The following DNAH14 variants were observed in gnomAD, a reference collection of about 807,000 sequenced individuals.
The protein encoded by DNAH14 is dynein axonemal heavy chain 14, also known as axonemal beta dynein heavy chain 14.
A neutral mutation model predicts 520.9 loss-of-function variants in DNAH14; 478 were observed. That is an observed-to-expected ratio of 0.92 (90% CI 0.85 to 0.99). DNAH14 has a LOEUF of 0.99. DNAH14 is among the 50% of genes least tolerant of loss of function. The probability of loss-of-function intolerance (pLI) is 0.00; values close to 1 mark genes in which losing one functional copy is unlikely to be tolerated. For missense variants in DNAH14, 4,831 were observed against 5,234.5 expected (o/e 0.92, Z 2.38); for synonymous variants, 1,581 against 1,757.2 (o/e 0.90, Z 2.51).
intron 64 of DNAH14, among the ~76,000 whole-genome samples, chr1:225,330,458 G>T (rs1255459592): frequency 2.6e-5 from 4 of 152,186 alleles, no homozygotes; most frequent in Admixed American, 2.0e-4. Context: ...ATACACAGTG[G>T]AGTATTATTC....
intron 42 of DNAH14, 126 bp from the exon 43 acceptor site, chr1:225,240,467 T>C: frequency 1.8e-6 from 1 of 562,716 alleles, no homozygotes; most frequent in Non-Finnish European, 3.0e-6. Flanking sequence ...GAAACTTTTA[T>C]GTTAGTACCT....
rs1558128726 is a variant in DNAH14, at chr1:225,240,702, GA to G, written c.6630del (p.Asp2211MetfsTer21). On this transcript the variant is annotated frameshift_variant, in exon 43 of 86. Coordinates refer to ENST00000682510, the MANE Select transcript of DNAH14 (RefSeq NM_001367479.1). LOFTEE classifies it high-confidence loss of function. Reference sequence around the variant, plus strand: ...GGCATTTGGAGGAGCTTTAAACCGTGAAGATGAACACAGAGAAAATATACCA... The same window carrying G: ...GGCATTTGGAGGAGCTTTAAACCGTGAGATGAACACAGAGAAAATATACCA... ...TWAFGGALNR[E>X]DEHRENIPFC... The G allele has an allele frequency of 6.4e-7, 1 of 1,551,058 alleles. No homozygotes were observed. Among genetic ancestry groups the G allele is most frequent in the Admixed American group, 2.0e-5 (1 of 50,994 alleles).
rs915962049 is a variant in DNAH14 at position 225,322,651 on chromosome 1, T to G, written c.9336-13T>G. ...AATTGTGAAGTTGATGAGATTTTCA[T>G]CATCTATTACAGAGTATACACACGG... On this transcript the variant is annotated splice_polypyrimidine_tract_variant and intron_variant, in intron 61 of 85. Coordinates refer to ENST00000682510, the MANE Select transcript of DNAH14 (RefSeq NM_001367479.1). 2 of 1,437,050 alleles carry G rather than the reference T, an allele frequency of 1.4e-6. No homozygotes were observed. The highest frequency in any genetic ancestry group is 1.8e-4 in the Middle Eastern group (1 of 5,528). The allele number at this position is 1,437,050 out of a possible 1,614,324, so 89.0% of individuals were successfully genotyped here.
chr1:225,377,090 A>G, intron 78 of DNAH14, 147 bp from the exon 79 acceptor site: 1 of 643,090 alleles, frequency 1.6e-6, no homozygotes, highest in East Asian at 3.2e-5. Flanking sequence ...CCACATGCAA[A>G]TAAGAAAGCC....
At chr1:225,037,423 G>C (rs1411723006) in intron 11 of DNAH14, among the ~76,000 whole-genome samples, 1 of 152,010 alleles carries the variant, frequency 6.6e-6, no homozygotes, top group African/African-American at 2.4e-5. Context: ...TATGAGTCTT[G>C]TAAATAATAT....
intron 82 of DNAH14, among the ~76,000 whole-genome samples, chr1:225,388,711 A>G (rs981753386): frequency 5.3e-5 from 8 of 152,230 alleles, no homozygotes; most frequent in African/African-American, 1.7e-4. Context: ...TATGACTACA[A>G]CATAGTACAT....
intron 60 of DNAH14, among the ~76,000 whole-genome samples, chr1:225,314,998 G>A (rs985279441): frequency 2.0e-5 from 3 of 151,960 alleles, no homozygotes; most frequent in Non-Finnish European, 4.4e-5. Context: ...TGCTAGGTTG[G>A]GTAAGTTCTC....
chr1:225,217,526 T>G (rs1050990907), intron 41 of DNAH14, among the ~76,000 whole-genome samples: 1 of 152,182 alleles, frequency 6.6e-6, no homozygotes, highest in African/African-American at 2.4e-5. Flanking sequence ...CAGGCAGGCC[T>G]CCTTGAGCTG....
intron 1 of DNAH14, among the ~76,000 whole-genome samples, chr1:224,940,017 C>G (rs1447016840): frequency 6.6e-6 from 1 of 152,228 alleles, no homozygotes; most frequent in Non-Finnish European, 1.5e-5. Context: ...TGATTCTAGA[C>G]TGAGCTGAGT....
At chr1:225,381,822 G>C (rs1030203580) in intron 81 of DNAH14, among the ~76,000 whole-genome samples, 1 of 152,218 alleles carries the variant, frequency 6.6e-6, no homozygotes, top group Non-Finnish European at 1.5e-5. Context: ...TATCATGGCA[G>C]TTCATGTCAA....
At position 225,050,368 on chromosome 1, in the gene DNAH14, CAAA is replaced by C; in HGVS notation, c.2073_2075del (p.Gln691_Asn692delinsHis). On this transcript the variant is annotated inframe_deletion, in exon 16 of 86. Transcript: ENST00000682510. ...CCTTTTTGAAACAGATCCTGCCTAC[CAAA>C]ATATAGTAAGTTTTAAAACAGTTCA... 1 of 1,541,410 alleles carries C rather than the reference CAAA, an allele frequency of 6.5e-7. No individual in the cohort carries two copies. Among genetic ancestry groups the C allele is most frequent in the East Asian group, 2.5e-5 (1 of 40,604 alleles).
intron 42 of DNAH14, among the ~76,000 whole-genome samples, chr1:225,233,179 T>A (rs1423473710): frequency 6.6e-6 from 1 of 152,250 alleles, no homozygotes; most frequent in African/African-American, 2.4e-5. Flanking sequence ...GGTGTATATG[T>A]ACCACATTTT....
rs767028866 is a variant in DNAH14 at position 225,300,897 on chromosome 1, T to G, written c.8498T>G (p.Ile2833Ser). 6.7e-5 allele frequency: 104 copies of G among 1,550,620 alleles called. No homozygotes were observed. Among genetic ancestry groups the G allele is most frequent in the Admixed American group, 1.8e-4 (9 of 50,850 alleles). Residue 2833 changes from isoleucine (I) to serine (S), a missense_variant, in exon 56 of 86, where the codon ATC becomes AGC. Physicochemically the swap from Ile to Ser is moderately radical, Grantham distance 142. Transcript: ENST00000682510. ...TCATTTTTAGAAGATTTGAACTACA[T>G]CATCAGTTCAGGAAGAATACCTGAC... ...QDSFLEDLNY[I>S]ISSGRIPDLF... is the part of the protein sequence containing the mutation.
At chr1:225,181,358 T>A (rs2083973461) in intron 36 of DNAH14, among the ~76,000 whole-genome samples, 1 of 152,204 alleles carries the variant, frequency 6.6e-6, no homozygotes, top group African/African-American at 2.4e-5. Context: ...ATAGGATTGC[T>A]GGGGCAAATG....
chr1:225,078,843 C>CT (rs2072696932), intron 17 of DNAH14, among the ~76,000 whole-genome samples: 10 of 52,116 alleles, frequency 1.9e-4, no homozygotes, highest in East Asian at 1.0e-3. Context: ...TCTCTCTCTC[C>CT]CTCTCTCTCT....
intron 27 of DNAH14, among the ~76,000 whole-genome samples, chr1:225,132,612 C>T (rs974864229): frequency 1.3e-5 from 2 of 152,144 alleles, no homozygotes; most frequent in Non-Finnish European, 1.5e-5. Context: ...TTTATCCACT[C>T]TATTATTGAT....
chr1:225,256,337 C>T lies in DNAH14; in HGVS notation c.6866-1623C>T, dbSNP rs59291759. 5.0e-3 allele frequency among the ~76,000 whole-genome samples: 765 copies of T among 152,112 alleles called. 4 individuals carry two copies. The highest frequency in any genetic ancestry group is 0.017 in the African/African-American group (710 of 41,502). On this transcript the variant is annotated intron_variant, in intron 44 of 85. Coordinates refer to ENST00000682510, the MANE Select transcript of DNAH14 (RefSeq NM_001367479.1). ...GGTCATCCAGAAGTTACCACAGTGG[C>T]GGCTGGAGTAGGGTAGAAAACCGGA...
At position 225,324,344 on chromosome 1, in the gene DNAH14, A is replaced by G; in HGVS notation, c.9618A>G (p.Glu3206=). ...QWVIALNNYH[E]VQKVVGPKQI... ...TTATAGCTTTGAATAACTACCATGA[A>G]GTACAGAAGGTATGCTTTTCCTCCT... Residue 3206 remains glutamate, a synonymous_variant, in exon 63 of 86, where the codon GAA becomes GAG. Transcript: ENST00000682510. The G allele has an allele frequency of 6.4e-7, 1 of 1,551,874 alleles. No homozygotes were observed. The highest frequency in any genetic ancestry group is 8.7e-7 in the Non-Finnish European group (1 of 1,147,026).
chr1:225,392,238 C>A (rs1041836647), intron 83 of DNAH14, 53 bp from the exon 84 acceptor site: 5 of 1,538,612 alleles, frequency 3.2e-6, no homozygotes, highest in South Asian at 2.4e-5. Context: ...CTAACCCCAG[C>A]AGGAGGCCCT....
Sources: allele counts gnomAD v4.1 joint callset (sites outside exome capture counted in the v4.1 genomes callset), GRCh38; gene constraint gnomAD v4.1.1; transcripts MANE v1.5; gene names NCBI Gene and HGNC (gene_info 2026-07-23, HGNC 2026-07-21).